The following CREB5 variants were observed in gnomAD, a reference collection of about 807,000 sequenced individuals.
The protein encoded by CREB5 is cAMP responsive element binding protein 5.
A neutral mutation model predicts 57.1 loss-of-function variants in CREB5; 19 were observed. That is an observed-to-expected ratio of 0.33 (90% CI 0.23 to 0.49). The LOEUF (loss-of-function observed/expected upper bound fraction) is 0.49. Among genes scored for constraint, CREB5 ranks in the 20% least tolerant of loss-of-function variants. The pLI is 0.99. For missense variants in CREB5, 579 were observed against 671.6 expected (o/e 0.86, Z 1.52); for synonymous variants, 238 against 238.3 (o/e 1.00, Z 0.01).
chr7:28,704,649 A>G (rs1342453928), intron 5 of CREB5, among the ~76,000 whole-genome samples: 1 of 152,008 alleles, frequency 6.6e-6, no homozygotes, highest in Non-Finnish European at 1.5e-5. Flanking sequence ...TTAAGATGAG[A>G]TCTTGCTAAG....
At chr7:28,579,022 A>G (rs1294998006) in intron 5 of CREB5, among the ~76,000 whole-genome samples, 3 of 152,236 alleles carry the variant, frequency 2.0e-5, no homozygotes, top group Non-Finnish European at 4.4e-5. Context: ...GTGCAACATC[A>G]TTGCTCTAGG....
intron 1 of CREB5, among the ~76,000 whole-genome samples, chr7:28,418,723 C>G (rs868481327): frequency 1.6e-4 from 25 of 152,274 alleles, no homozygotes; most frequent in African/African-American, 6.0e-4. Flanking sequence ...TCTCTAATCC[C>G]CATTTTATAG....
Position 28,809,248 on chromosome 7 carries a change from G to T in CREB5, c.1088G>T (p.Gly363Val), listed in dbSNP as rs142716067. Residue 363 changes from glycine (G) to valine (V), a missense_variant, in exon 9 of 11, where the codon GGG becomes GTG. Physicochemically the swap from Gly to Val is moderately radical, Grantham distance 109. Around this residue, in one of 3 missense-constraint regions of CREB5, gnomAD observed 459 missense variants for 515.7 expected, o/e 0.89. Transcript: ENST00000357727. ...TQTIQPPQPT[G>V]GRRRRVVDED... ...ACAATACAGCCACCCCAGCCCACAG[G>T]GGGGCGCCGGCGAAGGGTGGTAGAC... The T allele has an allele frequency of 1.1e-4, 184 of 1,614,166 alleles. No individual in the cohort carries two copies. In the East Asian group the frequency reaches 2.6e-3, roughly 22 times the overall value.
chr7:28,374,579 G>A (rs1308082016), intron 1 of CREB5, among the ~76,000 whole-genome samples: 1 of 152,142 alleles, frequency 6.6e-6, no homozygotes, highest in Non-Finnish European at 1.5e-5. Flanking sequence ...GATAAGTGAG[G>A]GAAGCCAGGT....
At chr7:28,719,369 A>G (rs1802886677) in intron 6 of CREB5, among the ~76,000 whole-genome samples, 1 of 152,246 alleles carries the variant, frequency 6.6e-6, no homozygotes, top group African/African-American at 2.4e-5. Context: ...TGTTTACTGT[A>G]TGCTAGTCGC....
intron 1 of CREB5, among the ~76,000 whole-genome samples, chr7:28,340,476 C>T (rs989317184): frequency 1.1e-4 from 17 of 152,184 alleles, no homozygotes; most frequent in African/African-American, 3.6e-4. Context: ...AGAATAGGTG[C>T]TGTATCCTAC....
intron 5 of CREB5, among the ~76,000 whole-genome samples, chr7:28,703,499 C>G (rs755674714): frequency 8.5e-5 from 13 of 152,280 alleles, no homozygotes; most frequent in Middle Eastern, 3.4e-3. Flanking sequence ...AAGGAATTGA[C>G]TCACCAGATT....
At chr7:28,571,498 T>C (rs1795702630) in intron 5 of CREB5, among the ~76,000 whole-genome samples, 2 of 152,098 alleles carry the variant, frequency 1.3e-5, no homozygotes. Flanking sequence ...TCTCTCTCAT[T>C]TATGCAAATG....
chr7:28,419,296 A>G (rs922965718), intron 1 of CREB5, among the ~76,000 whole-genome samples: 2 of 152,228 alleles, frequency 1.3e-5, no homozygotes, highest in Non-Finnish European at 2.9e-5. Context: ...CTCCTAAATT[A>G]TCTTTTATAA....
chr7:28,306,078 T>C (rs1192770914), intron 1 of CREB5, among the ~76,000 whole-genome samples: 1 of 152,196 alleles, frequency 6.6e-6, no homozygotes, highest in East Asian at 1.9e-4. Context: ...TATTCCTGGA[T>C]GGTATCTTTG....
chr7:28,426,425 G>A (rs1199139479), intron 1 of CREB5, among the ~76,000 whole-genome samples: 1 of 152,178 alleles, frequency 6.6e-6, no homozygotes, highest in African/African-American at 2.4e-5. Context: ...CTGGTGCCCT[G>A]TCTCAAGGCC....
intron 1 of CREB5, among the ~76,000 whole-genome samples, chr7:28,320,455 G>A (rs573795752): frequency 8.5e-5 from 13 of 152,308 alleles, no homozygotes; most frequent in Admixed American, 4.6e-4. Flanking sequence ...CATGGACCAC[G>A]TAGGAGCCTA....
intron 5 of CREB5, among the ~76,000 whole-genome samples, chr7:28,619,037 T>C (rs1797695347): frequency 6.6e-6 from 1 of 152,180 alleles, no homozygotes; most frequent in African/African-American, 2.4e-5. Context: ...AATTCGTTGG[T>C]TAAGAAAATA....
Position 28,343,065 on chromosome 7 carries a change from C to T in CREB5, c.-25+43624C>T, listed in dbSNP as rs113000670. Among the ~76,000 whole-genome samples, 392 of 152,148 alleles carry T rather than the reference C, an allele frequency of 2.6e-3. 2 individuals carry two copies. The highest frequency in any genetic ancestry group is 8.9e-3 in the African/African-American group (370 of 41,510). ...ACACCATTCTCCTGCCTCAGCCTCC[C>T]GAGTAGCTGGGACTACAGGTACCCG... On this transcript the variant is annotated intron_variant, in intron 1 of 9. Coordinates refer to the CREB5 transcript ENST00000396299.
intron 7 of CREB5, among the ~76,000 whole-genome samples, chr7:28,796,485 C>T (rs1159922696): frequency 6.6e-6 from 1 of 152,198 alleles, no homozygotes; most frequent in Non-Finnish European, 1.5e-5. Flanking sequence ...TACTCAGTTC[C>T]ATCGACTCTG....
At chr7:28,717,933 C>T (rs187264461) in intron 5 of CREB5, among the ~76,000 whole-genome samples, 1 of 152,280 alleles carries the variant, frequency 6.6e-6, no homozygotes, top group African/African-American at 2.4e-5. Flanking sequence ...ACAAATAATT[C>T]CCTTTTTCCC....
intron 1 of CREB5, among the ~76,000 whole-genome samples, chr7:28,445,762 A>C (rs773018944): frequency 6.6e-6 from 1 of 151,680 alleles, no homozygotes; most frequent in Non-Finnish European, 1.5e-5. Context: ...TGTGTTAGCC[A>C]GGATGATCTC....
At chr7:28,333,437 T>G (rs1467227583) in intron 1 of CREB5, among the ~76,000 whole-genome samples, 1 of 152,190 alleles carries the variant, frequency 6.6e-6, no homozygotes, top group African/African-American at 2.4e-5. Context: ...AAATGTACAA[T>G]TAAATCATTA....
rs35658848 is a variant in CREB5, at chr7:28,802,078, G to GAAAAAAAAA, written c.703-2102_703-2094dup. On this transcript the variant is annotated intron_variant, in intron 7 of 10. Coordinates refer to ENST00000357727, the MANE Select transcript of CREB5 (RefSeq NM_182898.4). ...CTGGCGACACAGCGAGACTCCATCTGAAAAAAAAAAAAAAAAAAAAAAAAA... is the reference window on the plus strand; with the variant it reads ...CTGGCGACACAGCGAGACTCCATCTGAAAAAAAAAAAAAAAAAAAAAAAAAAAAAAAAAA... Among the ~76,000 whole-genome samples, 59 of 26,634 alleles carry GAAAAAAAAA rather than the reference G, an allele frequency of 2.2e-3. 10 individuals carry two copies. Among genetic ancestry groups the GAAAAAAAAA allele is most frequent in the African/African-American group, 3.8e-3 (27 of 7,104 alleles). The allele number at this position is 26,634 out of a possible 152,430, so 17.5% of individuals were successfully genotyped here.
Sources: allele counts gnomAD v4.1 joint callset (sites outside exome capture counted in the v4.1 genomes callset), GRCh38; gene constraint gnomAD v4.1.1; regional missense constraint gnomAD v4.1.1; transcripts MANE v1.5; gene names NCBI Gene and HGNC (gene_info 2026-07-23, HGNC 2026-07-21).